Variants in CPSF3 observed in about 807,000 individuals in gnomAD.
CPSF3 encodes cleavage and polyadenylation specific factor 3.
In CPSF3, 57 loss-of-function variants were observed where a neutral mutation model predicts 84.1. That is an observed-to-expected ratio of 0.68 (90% CI 0.55 to 0.85). CPSF3 has a LOEUF of 0.85. Ranked by LOEUF, CPSF3 falls within the 40% of genes least tolerant of loss-of-function variation. The probability of loss-of-function intolerance (pLI) is 0.00; values close to 1 mark genes in which losing one functional copy is unlikely to be tolerated. For synonymous variants in CPSF3, 275 were observed against 278.1 expected, an observed-to-expected ratio of 0.99 and a Z score of 0.11; for missense variants, 522 against 838.8, an observed-to-expected ratio of 0.62 and a Z score of 4.66.
At chr2:9,472,575 G>A (rs111474642) in intron 17 of CPSF3, among the ~76,000 whole-genome samples, 76 of 152,296 alleles carry the variant, frequency 5.0e-4, no homozygotes, top group African/African-American at 1.8e-3. Context: ...AGGAAGCACT[G>A]CACGCCCACA....
At chr2:9,436,502 G>A (rs932627413) in intron 7 of CPSF3, 141 bp downstream of exon 7, 51 of 846,704 alleles carry the variant, frequency 6.0e-5, no homozygotes, top group South Asian at 4.8e-4. Flanking sequence ...GGCCGGGCGC[G>A]GTGGCTCACG....
chr2:9,457,892 A>G (rs768423799), intron 14 of CPSF3, among the ~76,000 whole-genome samples: 3 of 152,024 alleles, frequency 2.0e-5, no homozygotes, highest in Non-Finnish European at 4.4e-5. Context: ...AGCTGGGACT[A>G]TACAGGTGCA....
At chr2:9,465,240 T>G (rs1247030514) in intron 15 of CPSF3, among the ~76,000 whole-genome samples, 1 of 152,104 alleles carries the variant, frequency 6.6e-6, no homozygotes, top group Non-Finnish European at 1.5e-5. Flanking sequence ...GCTGGGAAAT[T>G]GAAAGTGCAT....
chr2:9,434,524 A>G (rs1363565495), intron 6 of CPSF3, among the ~76,000 whole-genome samples: 1 of 152,162 alleles, frequency 6.6e-6, no homozygotes, highest in Non-Finnish European at 1.5e-5. Context: ...TTTACTGGCT[A>G]TGCCCTCTCT....
chr2:9,469,349 C>T (rs573426613), intron 16 of CPSF3, among the ~76,000 whole-genome samples: 5 of 152,238 alleles, frequency 3.3e-5, no homozygotes, highest in Admixed American at 2.6e-4. Context: ...CTGGGACCCC[C>T]GGTTAAACAG....
intron 1 of CPSF3, chr2:9,424,936 TA>T (rs1680319601): frequency 6.6e-6 from 1 of 152,220 alleles, no homozygotes; most frequent in Non-Finnish European, 1.5e-5. Context: ...GGAAATAAGA[TA>T]AAACTTGAAG....
chr2:9,456,757 C>A (rs1558461670), intron 13 of CPSF3, among the ~76,000 whole-genome samples, 176 bp from the exon 14 acceptor site: 2 of 152,170 alleles, frequency 1.3e-5, no homozygotes, highest in Non-Finnish European at 2.9e-5. Context: ...GTTTGCAATA[C>A]ATGTTCAGAC....
intron 15 of CPSF3, among the ~76,000 whole-genome samples, chr2:9,461,310 C>G (rs543996988): frequency 3.3e-5 from 5 of 152,272 alleles, no homozygotes; most frequent in African/African-American, 1.2e-4. Flanking sequence ...ACATGATGCT[C>G]AGTGTCACAG....
intron 15 of CPSF3, among the ~76,000 whole-genome samples, chr2:9,461,571 G>A (rs1401224038): frequency 1.3e-5 from 2 of 151,772 alleles, no homozygotes; most frequent in Non-Finnish European, 2.9e-5. Context: ...TCAGGAGGCT[G>A]AGGGGCGAAA....
intron 2 of CPSF3, among the ~76,000 whole-genome samples, chr2:9,429,616 T>C (rs1680506781): frequency 6.6e-6 from 1 of 152,218 alleles, no homozygotes; most frequent in African/African-American, 2.4e-5. Flanking sequence ...AAAATTTTAA[T>C]CTGATATCAA....
chr2:9,467,987 G>C, intron 16 of CPSF3: 1 of 467,696 alleles, frequency 2.1e-6, no homozygotes. Context: ...TCAGCCGTTT[G>C]TGTTTCATTT....
chr2:9,442,872 A>C (rs1681003019), intron 9 of CPSF3, among the ~76,000 whole-genome samples: 1 of 151,980 alleles, frequency 6.6e-6, no homozygotes, highest in Non-Finnish European at 1.5e-5. Context: ...AAGAAAAAAA[A>C]AATTTCCAGG....
intron 14 of CPSF3, among the ~76,000 whole-genome samples, chr2:9,458,499 G>A (rs1379679480): frequency 6.6e-6 from 1 of 152,044 alleles, no homozygotes; most frequent in Non-Finnish European, 1.5e-5. Flanking sequence ...AGAAAAAGGG[G>A]GAAGTTATTG....
chr2:9,462,609 T>C (rs968475249), intron 15 of CPSF3, among the ~76,000 whole-genome samples: 1 of 152,204 alleles, frequency 6.6e-6, no homozygotes, highest in Non-Finnish European at 1.5e-5. Context: ...AGCTCGTGTG[T>C]GTTTTATACG....
chr2:9,424,085 G>T, intron 1 of CPSF3: 7 of 1,223,612 alleles, frequency 5.7e-6, no homozygotes, highest in Non-Finnish European at 7.2e-6. Flanking sequence ...AAAGTTTTAC[G>T]GGGCCACCGC....
chr2:9,470,673 AT>A (rs1178096079), intron 16 of CPSF3, among the ~76,000 whole-genome samples: 1 of 152,222 alleles, frequency 6.6e-6, no homozygotes, highest in Non-Finnish European at 1.5e-5. Flanking sequence ...TTAAACCTAG[AT>A]ACCTGGATTT....
chr2:9,460,749 T>C (rs1368029956), intron 15 of CPSF3, among the ~76,000 whole-genome samples: 1 of 151,470 alleles, frequency 6.6e-6, no homozygotes, highest in Non-Finnish European at 1.5e-5. Flanking sequence ...GGGGCTCAAA[T>C]GATCCTCTCA....
intron 1 of CPSF3, among the ~76,000 whole-genome samples, chr2:9,425,387 T>G (rs1487535860): frequency 6.6e-6 from 1 of 152,078 alleles, no homozygotes; most frequent in Non-Finnish European, 1.5e-5. Context: ...TAGGAAAATC[T>G]CTCCTGGCAG....
intron 7 of CPSF3, among the ~76,000 whole-genome samples, chr2:9,437,921 G>A (rs1211087563): frequency 1.3e-5 from 2 of 152,218 alleles, no homozygotes. Context: ...AGTATCACTT[G>A]AGCCTGGGAG....
Sources: allele counts gnomAD v4.1 joint callset (sites outside exome capture counted in the v4.1 genomes callset), GRCh38; gene constraint gnomAD v4.1.1; transcripts MANE v1.5; gene names NCBI Gene and HGNC (gene_info 2026-07-23, HGNC 2026-07-21).